GRAMD1B: variants seen among roughly 807,000 people sequenced by gnomAD.
GRAMD1B encodes the protein protein Aster-B.
Under a neutral mutation model 99.7 loss-of-function variants are expected in GRAMD1B, and 37 were observed. The ratio of observed to expected loss-of-function variants is 0.37; its 90% confidence interval spans 0.29 to 0.49. The LOEUF (loss-of-function observed/expected upper bound fraction) is 0.49. GRAMD1B is among the 20% of genes least tolerant of loss of function. The pLI, the probability that GRAMD1B is intolerant of heterozygous loss-of-function variation, is 0.98. For synonymous variants in GRAMD1B, 427 were observed against 387.6 expected, an observed-to-expected ratio of 1.10 and a Z score of -1.19; for missense variants, 888 against 1,009.2, an observed-to-expected ratio of 0.88 and a Z score of 1.63.
At chr11:123,484,501 C>T (rs907123297) in intron 2 of GRAMD1B, among the ~76,000 whole-genome samples, 2 of 152,174 alleles carry the variant, frequency 1.3e-5, no homozygotes, top group African/African-American at 4.8e-5. Flanking sequence ...AAAACTCTCT[C>T]GATTTCTTCC....
At chr11:123,544,666 G>C (rs1391393689) in intron 2 of GRAMD1B, among the ~76,000 whole-genome samples, 1 of 152,214 alleles carries the variant, frequency 6.6e-6, no homozygotes, top group East Asian at 1.9e-4. Context: ...CCCTGTCACT[G>C]AGCATTGCCC....
chr11:123,590,842 A>G (rs1169918711), intron 4 of GRAMD1B, among the ~76,000 whole-genome samples: 1 of 152,170 alleles, frequency 6.6e-6, no homozygotes, highest in Non-Finnish European at 1.5e-5. Context: ...GGAGCTGGGC[A>G]TTCGGTTCCT....
intron 1 of GRAMD1B, among the ~76,000 whole-genome samples, chr11:123,401,809 T>C (rs1349636713): frequency 6.6e-6 from 1 of 151,992 alleles, no homozygotes; most frequent in African/African-American, 2.4e-5. Context: ...CTCAGAAAGC[T>C]GAGGTGAAAG....
intron 2 of GRAMD1B, among the ~76,000 whole-genome samples, chr11:123,526,647 T>G (rs772050017): frequency 6.6e-6 from 1 of 152,132 alleles, no homozygotes; most frequent in Admixed American, 6.5e-5. Context: ...GGGCAGTCCC[T>G]AGGGGCATCC....
At chr11:123,424,623 T>C (rs1676532717) in intron 1 of GRAMD1B, among the ~76,000 whole-genome samples, 1 of 152,250 alleles carries the variant, frequency 6.6e-6, no homozygotes, top group Admixed American at 6.5e-5. Context: ...TCCTCAATGC[T>C]TTTATTCAAA....
chr11:123,585,154 G>A (rs1175973121), intron 4 of GRAMD1B, among the ~76,000 whole-genome samples: 1 of 152,202 alleles, frequency 6.6e-6, no homozygotes. Context: ...TCCTGGGAAA[G>A]CCATCTTTGC....
chr11:123,550,355 A>G (rs984521459), intron 2 of GRAMD1B, among the ~76,000 whole-genome samples: 2 of 151,564 alleles, frequency 1.3e-5, no homozygotes, highest in African/African-American at 4.9e-5. Context: ...ACTCATCATG[A>G]TCTCCTTCCC....
At position 123,430,658 on chromosome 11, in the gene GRAMD1B, C is replaced by T. The variant is rs532060446; in HGVS notation, c.-135C>T. ...CTCGCGTCCCTTCCTCGCTGCGCTC[C>T]GGGAAAGGAACTTGTTCCTTCGGCC... On this transcript the variant is annotated 5_prime_UTR_variant, in exon 1 of 20. Transcript: ENST00000635736. The T allele has an allele frequency of 1.2e-5, 6 of 508,918 alleles. No homozygotes were observed. Among genetic ancestry groups the T allele is most frequent in the African/African-American group, 1.0e-4 (5 of 49,180 alleles). 31.5% of individuals were successfully genotyped at this position (508,918 alleles called of 1,614,324 possible). A position where few individuals can be genotyped will look rare whatever the true frequency, so the allele number is the denominator to read the frequency against.
intron 1 of GRAMD1B, among the ~76,000 whole-genome samples, chr11:123,443,492 G>C (rs1263960009): frequency 6.6e-6 from 1 of 152,086 alleles, no homozygotes; most frequent in Admixed American, 6.6e-5. Context: ...ATATTGGTTT[G>C]GTCCAGAAAG....
intron 2 of GRAMD1B, among the ~76,000 whole-genome samples, chr11:123,561,801 G>C (rs1165197917): frequency 6.6e-6 from 1 of 152,202 alleles, no homozygotes; most frequent in Non-Finnish European, 1.5e-5. Flanking sequence ...CACTCGGCAG[G>C]TTAGAGAAGT....
At chr11:123,445,818 CAAAA>C (rs36123733) in intron 1 of GRAMD1B, among the ~76,000 whole-genome samples, 15 of 94,140 alleles carry the variant, frequency 1.6e-4, no homozygotes, top group East Asian at 1.1e-3. Flanking sequence ...CACTTGTCTC[CAAAA>C]AAAAAAAAAA....
intron 2 of GRAMD1B, among the ~76,000 whole-genome samples, chr11:123,571,903 C>T (rs756989888): frequency 2.0e-5 from 3 of 152,186 alleles, no homozygotes; most frequent in Non-Finnish European, 2.9e-5. Flanking sequence ...GAATCTAGCT[C>T]AAGTGCCACA....
chr11:123,397,802 C>A (rs1947519696), intron 1 of GRAMD1B, among the ~76,000 whole-genome samples: 4 of 152,198 alleles, frequency 2.6e-5, no homozygotes. Context: ...AGCCACCACA[C>A]CCAACCTAGA....
intron 1 of GRAMD1B, among the ~76,000 whole-genome samples, chr11:123,437,887 C>G (rs1949233006): frequency 6.6e-6 from 1 of 152,180 alleles, no homozygotes; most frequent in Admixed American, 6.5e-5. Context: ...TGAATGCTCT[C>G]CCCCTCAGCC....
At chr11:123,604,922 C>T (rs1442859086) in intron 9 of GRAMD1B, among the ~76,000 whole-genome samples, 1 of 152,190 alleles carries the variant, frequency 6.6e-6, no homozygotes, top group Non-Finnish European at 1.5e-5. Flanking sequence ...TGTCCAGAGT[C>T]CTGTCTTCGT....
chr11:123,467,390 A>AGG (rs1309928881), intron 1 of GRAMD1B, among the ~76,000 whole-genome samples: 4 of 125,074 alleles, frequency 3.2e-5, no homozygotes, highest in African/African-American at 1.2e-4. Context: ...TTGGTTTTCA[A>AGG]CACCTTTTTT....
intron 2 of GRAMD1B, among the ~76,000 whole-genome samples, chr11:123,500,151 T>A (rs1161996101): frequency 1.3e-5 from 2 of 152,054 alleles, no homozygotes; most frequent in East Asian, 1.9e-4. Flanking sequence ...TGAAACCCCG[T>A]CTCTACTAAA....
rs1022451957 is a variant in GRAMD1B at position 123,462,891 on chromosome 11, T to TA, written c.375-17904dup. 1.5e-3 allele frequency among the ~76,000 whole-genome samples: 170 copies of TA among 111,404 alleles called. 3 individuals carry two copies. The highest frequency in any genetic ancestry group is 4.7e-3 in the African/African-American group (148 of 31,790). The allele number at this position is 111,404 out of a possible 152,430, so 73.1% of individuals were successfully genotyped here. A position where few individuals can be genotyped will look rare whatever the true frequency, so the allele number is the denominator to read the frequency against. The stretch of plus-strand genomic sequence containing the variant: ...AAGAATTATCAATAAAAAAATAAAT[T>TA]AAAAAAAAAAAAAAAAAAAAAGAAA... On this transcript the variant is annotated intron_variant, in intron 1 of 19. Transcript: ENST00000635736.
In GRAMD1B at chr11:123,577,238, C is replaced by T. The variant is rs978044226; in HGVS notation, c.453-129C>T. The T allele has an allele frequency of 1.6e-4, 121 of 776,174 alleles. No individual in the cohort carries two copies. In the African/African-American group the frequency reaches 2.0e-3, roughly 13 times the overall value. 48.1% of individuals were successfully genotyped at this position (776,174 alleles called of 1,614,324 possible). ...AGCCTGGGCCCCTCTCTCCCGGTTT[C>T]TCCCCAGCCCCTCACCTGGCTCCCT... is the stretch of plus-strand genomic sequence containing the variant. On this transcript the variant is annotated intron_variant, in intron 2 of 19. Coordinates refer to ENST00000635736, the MANE Select transcript of GRAMD1B (RefSeq NM_001387025.1).
Sources: gnomAD v4.1 joint callset for allele counts (sites outside exome capture counted in the v4.1 genomes callset) on GRCh38, gnomAD v4.1.1 for gene constraint, MANE v1.5 for transcripts, NCBI Gene and HGNC (gene_info 2026-07-23, HGNC 2026-07-21) for gene names.